The following DIP2C variants were observed in gnomAD, a reference collection of about 807,000 sequenced individuals.
DIP2C encodes the protein disco-interacting protein 2 homolog C.
DIP2C carries 33 observed loss-of-function variants against 192.4 expected under a neutral mutation model. The ratio of observed to expected loss-of-function variants is 0.17; its 90% confidence interval spans 0.13 to 0.23. DIP2C has a LOEUF of 0.23. DIP2C is among the 10% of genes least tolerant of loss of function. The probability of loss-of-function intolerance (pLI) is 1.00; values close to 1 mark genes in which losing one functional copy is unlikely to be tolerated. For synonymous variants in DIP2C, 979 were observed against 864.1 expected (o/e 1.13, Z -2.33); for missense variants, 1,537 against 2,110.1 (o/e 0.73, Z 5.32).
chr10:548,024 T>C (rs921203467), intron 1 of DIP2C, among the ~76,000 whole-genome samples: 1 of 152,086 alleles, frequency 6.6e-6, no homozygotes, highest in African/African-American at 2.4e-5. Flanking sequence ...AACTGTCACA[T>C]GTAAAAGCAG....
intron 4 of DIP2C, among the ~76,000 whole-genome samples, chr10:423,920 ATTC>A (rs1966390596): frequency 6.6e-6 from 1 of 152,226 alleles, no homozygotes; most frequent in Non-Finnish European, 1.5e-5. Context: ...TTTCTTATAC[ATTC>A]TCATTATTGA....
intron 1 of DIP2C, among the ~76,000 whole-genome samples, chr10:682,031 A>G (rs191014005): frequency 2.6e-4 from 40 of 152,354 alleles, no homozygotes; most frequent in Non-Finnish European, 5.3e-4. Context: ...TGTGTATTCC[A>G]TGAATGCTTG....
intron 28 of DIP2C, 27 bp from the exon 29 acceptor site, chr10:341,356 G>A (rs768015447): frequency 2.5e-6 from 4 of 1,612,148 alleles, no homozygotes; most frequent in Non-Finnish European, 3.4e-6. Context: ...TGTGTTAAAC[G>A]CATCGGACCT....
chr10:421,520 CA>C (rs112436209), intron 5 of DIP2C, among the ~76,000 whole-genome samples: 48 of 150,596 alleles, frequency 3.2e-4, no homozygotes, highest in African/African-American at 1.1e-3. Flanking sequence ...AATTTTATTA[CA>C]AAAAAAAATA....
intron 28 of DIP2C, 105 bp from the exon 29 acceptor site, chr10:341,434 C>T (rs1958141153): frequency 6.6e-7 from 1 of 1,512,626 alleles, no homozygotes; most frequent in African/African-American, 1.4e-5. Context: ...ACGCATCGGA[C>T]CTGACACCCT....
intron 34 of DIP2C, 44 bp from the exon 35 acceptor site, chr10:283,490 C>A: frequency 6.2e-7 from 1 of 1,604,906 alleles, no homozygotes; most frequent in South Asian, 1.1e-5. Context: ...ATTATTTTAT[C>A]TCCAGGGAAA....
At chr10:286,407 A>G (rs1213216452) in intron 33 of DIP2C, 60 bp from the exon 34 acceptor site, 1 of 1,461,490 alleles carries the variant, frequency 6.8e-7, no homozygotes. Flanking sequence ...GACTACACAC[A>G]AGCCAACCTC....
Position 286,286 on chromosome 10 carries a change from G to A in DIP2C, c.4106C>T (p.Ser1369Leu). ...NPETKGPLGD[S>L]HLGEIWVHSA... ...CACTCAACTCACCTCTCCAAGGTGTGAGTCCCCCAGCGGTCCTTTTGTTTC... is the reference window on the plus strand; with the variant it reads ...CACTCAACTCACCTCTCCAAGGTGTAAGTCCCCCAGCGGTCCTTTTGTTTC... The change falls in exon 34 of 37, where the codon TCA (serine) becomes TTA (leucine). Residue 1369 changes from serine to leucine, a missense_variant. Ser to Leu is a moderately radical substitution (Grantham distance 145). This residue lies in a region of DIP2C where 341 missense variants were observed against 551.7 expected (regional missense o/e 0.62). Transcript: ENST00000280886. 1.9e-6 allele frequency: 3 copies of A among 1,614,102 alleles called. No individual in the cohort carries two copies. Among genetic ancestry groups the A allele is most frequent in the Non-Finnish European group, 2.5e-6 (3 of 1,179,996 alleles).
At chr10:491,923 C>G (rs188618515) in intron 1 of DIP2C, among the ~76,000 whole-genome samples, 2 of 152,178 alleles carry the variant, frequency 1.3e-5, no homozygotes, top group Admixed American at 6.5e-5. Flanking sequence ...AAACCAGGGG[C>G]TAGGAAGAAG....
intron 1 of DIP2C, among the ~76,000 whole-genome samples, chr10:551,145 C>T (rs746800339): frequency 1.3e-5 from 2 of 152,248 alleles, no homozygotes; most frequent in Non-Finnish European, 2.9e-5. Flanking sequence ...TAGAGGCAGC[C>T]TCTGAGCTCC....
At chr10:390,495 G>C (rs922961902) in intron 11 of DIP2C, 122 bp from the exon 12 acceptor site, 4 of 1,093,264 alleles carry the variant, frequency 3.7e-6, no homozygotes, top group Admixed American at 4.1e-5. Context: ...GGTGTCTCCG[G>C]ACTTCACGAG....
intron 4 of DIP2C, 53 bp from the exon 5 acceptor site, chr10:423,086 C>CA (rs1966318518): frequency 6.7e-7 from 1 of 1,486,310 alleles, no homozygotes. Context: ...ACGTGCACCA[C>CA]AATCTCAGTC....
intron 29 of DIP2C, 31 bp from the exon 30 acceptor site, chr10:329,632 G>C (rs765955133): frequency 2.3e-6 from 1 of 439,254 alleles, no homozygotes; most frequent in South Asian, 3.0e-5. Context: ...GTCAGGGCGG[G>C]AGCTCAGCAA....
At chr10:582,682 G>A (rs2131596216) in intron 1 of DIP2C, among the ~76,000 whole-genome samples, 1 of 152,338 alleles carries the variant, frequency 6.6e-6, no homozygotes, top group African/African-American at 2.4e-5. Flanking sequence ...GTTTCTATCA[G>A]GAAGAAAAGC....
At chr10:482,174 C>G (rs1588255685) in intron 2 of DIP2C, among the ~76,000 whole-genome samples, 1 of 152,134 alleles carries the variant, frequency 6.6e-6, no homozygotes, top group African/African-American at 2.4e-5. Flanking sequence ...CATGTGGATG[C>G]AGCGGCATGG....
intron 31 of DIP2C, among the ~76,000 whole-genome samples, chr10:314,539 G>A (rs1265283761): frequency 6.6e-6 from 1 of 152,208 alleles, no homozygotes; most frequent in Non-Finnish European, 1.5e-5. Flanking sequence ...TGCTGCACCG[G>A]ATCACCCAGC....
chr10:333,363 C>T (rs148069361), intron 29 of DIP2C, among the ~76,000 whole-genome samples: 3 of 152,232 alleles, frequency 2.0e-5, no homozygotes, highest in Non-Finnish European at 4.4e-5. Flanking sequence ...CCGTGTCCAT[C>T]TGCAGTCAGT....
intron 4 of DIP2C, among the ~76,000 whole-genome samples, chr10:436,753 G>A (rs1967251994): frequency 8.2e-6 from 1 of 121,386 alleles, no homozygotes; most frequent in Non-Finnish European, 1.6e-5. Context: ...CCTGGACATG[G>A]TAGGGTGATA....
At chr10:560,959 C>A (rs1042521078) in intron 1 of DIP2C, among the ~76,000 whole-genome samples, 40 of 152,218 alleles carry the variant, frequency 2.6e-4, no homozygotes, top group African/African-American at 8.9e-4. Flanking sequence ...CTCCACACAA[C>A]CCCTTAATCG....
Sources: gnomAD v4.1 joint callset for allele counts (sites outside exome capture counted in the v4.1 genomes callset) on GRCh38, gnomAD v4.1.1 for gene constraint, gnomAD v4.1.1 regional missense constraint, MANE v1.5 for transcripts, NCBI Gene and HGNC (gene_info 2026-07-23, HGNC 2026-07-21) for gene names.